EEFSEC: variants seen among roughly 807,000 people sequenced by gnomAD.
EEFSEC encodes the protein eukaryotic elongation factor, selenocysteine-tRNA specific, also known as selenocysteine-specific elongation factor.
A neutral mutation model predicts 42.1 loss-of-function variants in EEFSEC; 43 were observed. The observed-to-expected ratio is 1.02, with a 90% CI of 0.80 to 1.32. The LOEUF is 1.32. Among genes scored for constraint, EEFSEC ranks in the 40% most tolerant of loss-of-function variants. The probability of loss-of-function intolerance (pLI) is 0.00; values close to 1 mark genes in which losing one functional copy is unlikely to be tolerated. For missense variants in EEFSEC, 745 were observed against 803.6 expected (o/e 0.93, Z 0.88); for synonymous variants, 354 against 339.1 (o/e 1.04, Z -0.48).
At chr3:128,246,589 G>A (rs1052467034) in intron 1 of EEFSEC, among the ~76,000 whole-genome samples, 3 of 152,216 alleles carry the variant, frequency 2.0e-5, no homozygotes, top group South Asian at 2.1e-4. Context: ...GCCCTATTGC[G>A]TGTTAGCAGT....
intron 4 of EEFSEC, among the ~76,000 whole-genome samples, chr3:128,294,677 T>C (rs2066683084): frequency 6.6e-6 from 1 of 152,142 alleles, no homozygotes; most frequent in African/African-American, 2.4e-5. Context: ...TCTGGTTGGC[T>C]TTCTTGGAGA....
At chr3:128,389,236 A>AGGG in intron 6 of EEFSEC, among the ~76,000 whole-genome samples, 1 of 152,344 alleles carries the variant, frequency 6.6e-6, no homozygotes, top group East Asian at 1.9e-4. Context: ...TCACCCGAGG[A>AGGG]CATCACAGCC....
At chr3:128,195,723 T>G (rs887256809) in intron 1 of EEFSEC, among the ~76,000 whole-genome samples, 12 of 152,160 alleles carry the variant, frequency 7.9e-5, no homozygotes, top group Admixed American at 4.6e-4. Flanking sequence ...TATAATATCC[T>G]TGGAAGATAG....
At chr3:128,180,571 A>G (rs1382679289) in intron 1 of EEFSEC, among the ~76,000 whole-genome samples, 1 of 152,246 alleles carries the variant, frequency 6.6e-6, no homozygotes, top group Non-Finnish European at 1.5e-5. Context: ...AGTTGTGAGG[A>G]TGGTGTGGAA....
chr3:128,351,092 C>T (rs55748159), intron 5 of EEFSEC, among the ~76,000 whole-genome samples: 15,472 of 152,072 alleles, frequency 0.1, 1,813 homozygotes, highest in African/African-American at 0.29. Flanking sequence ...TTCTGTCCTC[C>T]GAGAAGACTT....
At chr3:128,420,200 G>A in the EEFSEC span, among the ~76,000 whole-genome samples, 248 of 152,352 alleles carry the variant, frequency 1.6e-3, 1 homozygote, top group African/African-American at 5.5e-3. Context: ...TCACACACGC[G>A]CGTGGCTCCG....
At chr3:128,166,210 C>A (rs539224836) in intron 1 of EEFSEC, among the ~76,000 whole-genome samples, 2 of 152,142 alleles carry the variant, frequency 1.3e-5, no homozygotes, top group Non-Finnish European at 2.9e-5. Flanking sequence ...ACAGCACAGC[C>A]GTGTTTCCCA....
chr3:128,312,419 C>G (rs2066899370), intron 4 of EEFSEC, among the ~76,000 whole-genome samples: 1 of 152,252 alleles, frequency 6.6e-6, no homozygotes, highest in South Asian at 2.1e-4. Flanking sequence ...CTTCCATGCG[C>G]AGAGGATGGA....
At chr3:128,273,571 T>C (rs114188730) in intron 4 of EEFSEC, among the ~76,000 whole-genome samples, 3 of 152,348 alleles carry the variant, frequency 2.0e-5, no homozygotes, top group Non-Finnish European at 4.4e-5. Context: ...GACGAACTGC[T>C]ACCAGCATGT....
intron 1 of EEFSEC, among the ~76,000 whole-genome samples, chr3:128,210,366 G>A (rs1162431774): frequency 6.6e-6 from 1 of 152,182 alleles, no homozygotes; most frequent in Non-Finnish European, 1.5e-5. Context: ...TCAGTATGTA[G>A]GTGTCCAGGG....
intron 5 of EEFSEC, among the ~76,000 whole-genome samples, chr3:128,357,919 T>A (rs1459550523): frequency 3.3e-5 from 5 of 152,004 alleles, no homozygotes; most frequent in Non-Finnish European, 1.5e-5. Flanking sequence ...ATCTGTAAAG[T>A]GGCGCCACAG....
chr3:128,157,379 TG>T (rs1377422456), intron 1 of EEFSEC, among the ~76,000 whole-genome samples: 1 of 152,244 alleles, frequency 6.6e-6, no homozygotes, highest in Admixed American at 6.5e-5. Flanking sequence ...AGATCATTGA[TG>T]AAGGTGAGTA....
At chr3:128,289,191 G>A (rs1371741355) in intron 4 of EEFSEC, among the ~76,000 whole-genome samples, 1 of 152,148 alleles carries the variant, frequency 6.6e-6, no homozygotes, top group African/African-American at 2.4e-5. Context: ...CCACCACTCA[G>A]CTCTGTGGAA....
intron 1 of EEFSEC, among the ~76,000 whole-genome samples, chr3:128,156,174 T>A (rs1313821751): frequency 6.6e-6 from 1 of 152,256 alleles, no homozygotes; most frequent in Non-Finnish European, 1.5e-5. Context: ...CTTCCTTAGC[T>A]GTATGACGTT....
chr3:128,176,959 T>G (rs970659647), intron 1 of EEFSEC, among the ~76,000 whole-genome samples: 1 of 151,182 alleles, frequency 6.6e-6, no homozygotes, highest in African/African-American at 2.4e-5. Flanking sequence ...AATTTTTTTC[T>G]GTAGTTTAAA....
intron 1 of EEFSEC, among the ~76,000 whole-genome samples, chr3:128,184,933 G>C (rs971064433): frequency 3.9e-5 from 6 of 152,276 alleles, no homozygotes; most frequent in African/African-American, 1.4e-4. Flanking sequence ...CATTTTGGGA[G>C]GCTGAAGCTA....
chr3:128,249,200 C>T (rs1240996394), intron 2 of EEFSEC, among the ~76,000 whole-genome samples: 1 of 151,970 alleles, frequency 6.6e-6, no homozygotes, highest in Non-Finnish European at 1.5e-5. Context: ...CCTATCAAAA[C>T]CAAAAAAGTG....
chr3:128,252,126 T>C (rs1010805559), intron 2 of EEFSEC, among the ~76,000 whole-genome samples: 3 of 152,230 alleles, frequency 2.0e-5, no homozygotes, highest in African/African-American at 7.2e-5. Flanking sequence ...TTCTTCCTGC[T>C]TTTTAAACAC....
Position 128,375,800 on chromosome 3 carries a change from T to C in EEFSEC, c.1600+17427T>C, listed in dbSNP as rs80148385. Among the ~76,000 whole-genome samples, 83 of 152,290 alleles carry C rather than the reference T, an allele frequency of 5.5e-4. 1 individual carries two copies. The East Asian group carries it at 0.016, about 29-fold the overall frequency. ...GACTGGGCTGGGAGGTGCTCCCAAG[T>C]GGAAGGTCTTTGCTGTGTTAGTCTG... On this transcript the variant is annotated intron_variant, in intron 6 of 6. Coordinates refer to ENST00000254730, the MANE Select transcript of EEFSEC (RefSeq NM_021937.5).
Sources: gnomAD v4.1 joint callset for allele counts (sites outside exome capture counted in the v4.1 genomes callset) on GRCh38, gnomAD v4.1.1 for gene constraint, MANE v1.5 for transcripts, NCBI Gene and HGNC (gene_info 2026-07-23, HGNC 2026-07-21) for gene names.